Variants in IFFO2 observed in about 807,000 individuals in gnomAD.
IFFO2 encodes the protein intermediate filament family orphan 2.
IFFO2 carries 19 observed loss-of-function variants against 53.5 expected under a neutral mutation model. That is an observed-to-expected ratio of 0.36 (90% confidence interval 0.25 to 0.52). IFFO2 has a LOEUF of 0.52. IFFO2 is among the 20% of genes least tolerant of loss of function. The probability of loss-of-function intolerance (pLI) is 0.94; values close to 1 mark genes in which losing one functional copy is unlikely to be tolerated. For missense variants in IFFO2, 570 were observed against 727.4 expected (o/e 0.78, Z 2.49); for synonymous variants, 303 against 313.6 (o/e 0.97, Z 0.36).
Position 18,911,412 on chromosome 1 carries a change from T to C in IFFO2, c.1289A>G (p.Glu430Gly). 1.3e-6 allele frequency: 2 copies of C among 1,522,764 alleles called. No individual in the cohort carries two copies. The highest frequency in any genetic ancestry group is 1.8e-6 in the Non-Finnish European group (2 of 1,134,690). 94.3% of individuals were successfully genotyped at this position (1,522,764 alleles called of 1,614,324 possible). A position where few individuals can be genotyped will look rare whatever the true frequency, so the allele number is the denominator to read the frequency against. The change falls in exon 7 of 9, where the codon GAG becomes GGG. Residue 430 changes from glutamate (E) to glycine (G), a missense_variant. Physicochemically the swap from Glu to Gly is moderately conservative, Grantham distance 98. Coordinates refer to ENST00000455833, the MANE Select transcript of IFFO2 (RefSeq NM_001136265.2). ...GATCTGACCTATCGTTTCCTGGTAC[T>C]CCTTGTCTCTCGTCTTGAAGAAGGA... ...TESFFKTRDK[E>G]YQETIGQIEL...
chr1:18,955,332 G>A (rs1936709881), intron 1 of IFFO2, among the ~76,000 whole-genome samples: 1 of 152,170 alleles, frequency 6.6e-6, no homozygotes, highest in African/African-American at 2.4e-5. Flanking sequence ...CCTCATCTGC[G>A]AGATGAGGAT....
Position 18,936,903 on chromosome 1 carries a change from C to A in IFFO2, c.666-15782G>T, listed in dbSNP as rs1178272680. Among the ~76,000 whole-genome samples the A allele has an allele frequency of 6.6e-6, 1 of 152,034 alleles. No homozygotes were observed. Among genetic ancestry groups the A allele is most frequent in the Non-Finnish European group, 1.5e-5 (1 of 68,016 alleles). On this transcript the variant is annotated intron_variant, in intron 1 of 8. Coordinates refer to ENST00000455833, the MANE Select transcript of IFFO2 (RefSeq NM_001136265.2). This position sits in a 1 kb window ranked among gnomAD's most constrained non-coding sequence, Gnocchi z 4.5. ...TCACCTGTAAAATGGGTGAGAATGACCCCACCTGGATTCAATGAGGATGTG... is the reference window on the plus strand; with the variant it reads ...TCACCTGTAAAATGGGTGAGAATGAACCCACCTGGATTCAATGAGGATGTG...
At chr1:18,913,447 AG>A in intron 5 of IFFO2, among the ~76,000 whole-genome samples, 1 of 152,258 alleles carries the variant, frequency 6.6e-6, no homozygotes, top group Non-Finnish European at 1.5e-5. Flanking sequence ...GAAGCTGGAA[AG>A]GACAGAAAGA....
At position 18,919,180 on chromosome 1, in the gene IFFO2, C is replaced by A. The variant is rs774354612; in HGVS notation, c.822+498G>T. 6.6e-6 allele frequency among the ~76,000 whole-genome samples: 1 copy of A among 152,196 alleles called. No homozygotes were observed. Among genetic ancestry groups the A allele is most frequent in the Non-Finnish European group, 1.5e-5 (1 of 68,032 alleles). On this transcript the variant is annotated intron_variant, in intron 3 of 8. Coordinates refer to ENST00000455833, the MANE Select transcript of IFFO2 (RefSeq NM_001136265.2). This position sits in a 1 kb window ranked among gnomAD's most constrained non-coding sequence, Gnocchi z 4.9. ...GCCCTTTGCTGCCAACAGCTCCCCC[C>A]ACCCACAGATACTTAGAGGGGCCCC...
chr1:18,911,962 C>T lies in IFFO2; in HGVS notation c.1224+1G>A, dbSNP rs1936046774. Reference sequence around the variant, plus strand: ...TTTGGGAAGCCAGGCGCTGGGCTTACCTCGCCCTGCAGGTCGATGGTCGGA... The same window carrying T: ...TTTGGGAAGCCAGGCGCTGGGCTTATCTCGCCCTGCAGGTCGATGGTCGGA... On this transcript the variant is annotated splice_donor_variant, in intron 6 of 8. Transcript: ENST00000455833. LOFTEE classifies it high-confidence loss of function. The T allele has an allele frequency of 1.3e-6, 2 of 1,551,662 alleles. No homozygotes were observed. The highest frequency in any genetic ancestry group is 1.7e-6 in the Non-Finnish European group (2 of 1,146,960).
chr1:18,953,196 G>A (rs1301693416), intron 1 of IFFO2, among the ~76,000 whole-genome samples: 2 of 152,186 alleles, frequency 1.3e-5, no homozygotes, highest in Non-Finnish European at 2.9e-5. Flanking sequence ...CTTAGACGGT[G>A]ACTTCTCTTA....
chr1:18,952,745 G>A (rs1249449264), intron 1 of IFFO2, among the ~76,000 whole-genome samples: 2 of 152,164 alleles, frequency 1.3e-5, no homozygotes, highest in Non-Finnish European at 2.9e-5. Flanking sequence ...TCTTTTTGGG[G>A]GCTGATGCAA....
chr1:18,922,149 C>T (rs1488054265), intron 1 of IFFO2, among the ~76,000 whole-genome samples: 1 of 152,146 alleles, frequency 6.6e-6, no homozygotes. Flanking sequence ...CAGGTGGGGA[C>T]GCTCCAGACT....
At chr1:18,931,857 C>G (rs1052989441) in intron 1 of IFFO2, among the ~76,000 whole-genome samples, 1 of 152,224 alleles carries the variant, frequency 6.6e-6, no homozygotes, top group African/African-American at 2.4e-5. Context: ...CAGCACATCA[C>G]TTAGAAAATG....
At position 18,956,236 on chromosome 1, in the gene IFFO2, C is replaced by CGCCGCCGCCGCCCCCGCCAGGGCA. The variant is rs1338981873; in HGVS notation, c.73_96dup (p.Cys25_Gly32dup). On this transcript the variant is annotated inframe_insertion, in exon 1 of 9. Transcript: ENST00000455833. The surrounding 1 kb of genome is among the most constrained non-coding windows in gnomAD (Gnocchi z 6.4). The stretch of plus-strand genomic sequence containing the variant: ...GGCGACGGACCCGGCCCTGCCCCGC[C>CGCCGCCGCCGCCCCCGCCAGGGCA]GCCGCCGCCGCCCCCGCCAGGGCAG... The CGCCGCCGCCGCCCCCGCCAGGGCA allele has an allele frequency of 8.3e-7, 1 of 1,208,860 alleles. No individual in the cohort carries two copies. Among genetic ancestry groups the CGCCGCCGCCGCCCCCGCCAGGGCA allele is most frequent in the Non-Finnish European group, 1.1e-6 (1 of 945,094 alleles). 74.9% of individuals were successfully genotyped at this position (1,208,860 alleles called of 1,614,324 possible). A position where few individuals can be genotyped will look rare whatever the true frequency, so the allele number is the denominator to read the frequency against.
chr1:18,942,160 T>C (rs1321671311), intron 1 of IFFO2, among the ~76,000 whole-genome samples: 9 of 152,052 alleles, frequency 5.9e-5, no homozygotes, highest in African/African-American at 2.2e-4. Flanking sequence ...AACCACAGGG[T>C]GTTGGTGAGC....
At chr1:18,949,470 C>T (rs1308972041) in intron 1 of IFFO2, among the ~76,000 whole-genome samples, 3 of 152,276 alleles carry the variant, frequency 2.0e-5, no homozygotes, top group Non-Finnish European at 4.4e-5. Context: ...CATGACAGGG[C>T]TGCCTCCTTC....
At chr1:18,924,588 C>G (rs1213294031) in intron 1 of IFFO2, among the ~76,000 whole-genome samples, 1 of 152,206 alleles carries the variant, frequency 6.6e-6, no homozygotes. Flanking sequence ...GCTGAGCAAA[C>G]GACTTGCCCA....
chr1:18,955,884 T>A lies in IFFO2; in HGVS notation c.449A>T (p.His150Leu). 8.8e-6 allele frequency: 12 copies of A among 1,361,178 alleles called. No homozygotes were observed. Among genetic ancestry groups the A allele is most frequent in the Non-Finnish European group, 1.1e-5 (12 of 1,066,966 alleles). The allele number at this position is 1,361,178 out of a possible 1,614,324, so 84.3% of individuals were successfully genotyped here. A position where few individuals can be genotyped will look rare whatever the true frequency, so the allele number is the denominator to read the frequency against. ...GGGCAGGCGGCCGTAGTGCTGCGGG[T>A]GCGAGCCGCCGCCGGGGGGCAGGCC... The part of the protein sequence containing the change: ...LGGLPPGGGS[H>L]PQHYGRLPGT... The change falls in exon 1 of 9, where the codon CAC (histidine) becomes CTC (leucine). Residue 150 changes from histidine to leucine, a missense_variant. Coordinates refer to ENST00000455833, the MANE Select transcript of IFFO2 (RefSeq NM_001136265.2).
In IFFO2 at chr1:18,916,393, C is replaced by T. The variant is rs1257246330; in HGVS notation, c.1103+510G>A. Among the ~76,000 whole-genome samples the T allele has an allele frequency of 6.6e-6, 1 of 152,182 alleles. No homozygotes were observed. The highest frequency in any genetic ancestry group is 1.5e-5 in the Non-Finnish European group (1 of 68,030). On this transcript the variant is annotated intron_variant, in intron 5 of 8. Coordinates refer to ENST00000455833, the MANE Select transcript of IFFO2 (RefSeq NM_001136265.2). The surrounding 1 kb of genome is among the most constrained non-coding windows in gnomAD (Gnocchi z 4.3). ...TGCCATCCAGCCCTGTCAACTGTGC[C>T]CCAGGCTCAGCAATGCCTGACCTCC...
chr1:18,935,057 C>A (rs1569855811), intron 1 of IFFO2, among the ~76,000 whole-genome samples: 1 of 152,216 alleles, frequency 6.6e-6, no homozygotes, highest in African/African-American at 2.4e-5. Flanking sequence ...CGCTCTCTGG[C>A]ATTCTCTACC....
chr1:18,955,931 G>A lies in IFFO2; in HGVS notation c.402C>T (p.Asn134=), dbSNP rs1158803494. The part of the protein sequence containing the change: ...GLSSGAAAGA[N]ANAVALGGLP... ...GGCCGCCCAGGGCCACGGCATTGGC[G>A]TTGGCGCCGGCCGCCGCGCCACTGC... Residue 134 remains asparagine (N), a synonymous_variant, in exon 1 of 9, where the codon AAC becomes AAT. Coordinates refer to ENST00000455833, the MANE Select transcript of IFFO2 (RefSeq NM_001136265.2). 7.8e-7 allele frequency: 1 copy of A among 1,274,820 alleles called. No individual in the cohort carries two copies. Among genetic ancestry groups the A allele is most frequent in the Non-Finnish European group, 9.8e-7 (1 of 1,016,574 alleles). 79.0% of individuals were successfully genotyped at this position (1,274,820 alleles called of 1,614,324 possible).
rs1569838861 is a variant in IFFO2 at position 18,918,298 on chromosome 1, G to A, written c.963+64C>T. On this transcript the variant is annotated intron_variant, in intron 4 of 8. Coordinates refer to ENST00000455833, the MANE Select transcript of IFFO2 (RefSeq NM_001136265.2). This position sits in a 1 kb window ranked among gnomAD's most constrained non-coding sequence, Gnocchi z 5.2. The stretch of plus-strand genomic sequence containing the variant: ...AGGCAAACGGGTTGGCCGGGCAGGG[G>A]TGGAGGCCAGGGCTGCTCTGGGAGA... The A allele has an allele frequency of 2.7e-6, 4 of 1,506,042 alleles. No individual in the cohort carries two copies. Among genetic ancestry groups the A allele is most frequent in the Non-Finnish European group, 3.6e-6 (4 of 1,110,568 alleles). 93.3% of individuals were successfully genotyped at this position (1,506,042 alleles called of 1,614,324 possible).
At chr1:18,921,155 G>A in intron 1 of IFFO2, 34 bp from the exon 2 acceptor site, 1 of 1,543,052 alleles carries the variant, frequency 6.5e-7, no homozygotes, top group Non-Finnish European at 8.8e-7. Flanking sequence ...TGGTCAGAAG[G>A]TGAGTTCCCT....
Sources: gnomAD v4.1 joint callset for allele counts (sites outside exome capture counted in the v4.1 genomes callset) on GRCh38, gnomAD v4.1.1 for gene constraint, Gnocchi (gnomAD v3.1) non-coding constraint, MANE v1.5 for transcripts, NCBI Gene and HGNC (gene_info 2026-07-23, HGNC 2026-07-21) for gene names.